Variants in RBM41 observed in about 807,000 individuals in gnomAD.
RBM41 encodes RNA-binding protein 41.
In RBM41, 14 loss-of-function variants were observed where a neutral mutation model predicts 30.8. The observed-to-expected ratio is 0.45, with a 90% CI of 0.30 to 0.71. The LOEUF is 0.71. Among genes scored for constraint, RBM41 ranks in the 30% least tolerant of loss-of-function variants. The probability of loss-of-function intolerance (pLI) is 0.08; values close to 1 mark genes in which losing one functional copy is unlikely to be tolerated. For synonymous variants in RBM41, 120 were observed against 110.1 expected (o/e 1.09, Z -0.56); for missense variants, 276 against 326.3 (o/e 0.85, Z 1.19).
At chrX:107,107,919 A>G (rs12011415) in intron 5 of RBM41, among the ~76,000 whole-genome samples, 26,275 of 110,622 alleles carry the variant, frequency 0.24, 2,563 homozygotes, top group East Asian at 0.47. Context: ...ACTATAGTTG[A>G]AGATTTCAGA....
At chrX:107,083,472 T>C (rs1020958066) in intron 6 of RBM41, among the ~76,000 whole-genome samples, 105 of 111,364 alleles carry the variant, frequency 9.4e-4, no homozygotes, top group African/African-American at 3.2e-3. Context: ...TTCTCATCCA[T>C]TACTACTTCA....
Position 107,062,281 on chromosome X carries a change from T to C in RBM41, c.*5246A>G, listed in dbSNP as rs1338651640. On this transcript the variant is annotated 3_prime_UTR_variant, in exon 8 of 8. Coordinates refer to ENST00000685964, the MANE Select transcript of RBM41 (RefSeq NM_001324242.2). ...GTAGGATTCCATTGCATGGATATAC[T>C]ACGGTTTATCTATGCACCAGTTGAA... 8.9e-6 allele frequency among the ~76,000 whole-genome samples: 1 copy of C among 112,040 alleles called. No homozygotes were observed.
At chrX:107,061,636 G>A (rs777338448), downstream of RBM41, among the ~76,000 whole-genome samples, 4 of 111,026 alleles carry the variant, frequency 3.6e-5, no homozygotes, top group East Asian at 8.5e-4. Flanking sequence ...TAGAGACAGT[G>A]TCTTGCTATG....
intron 5 of RBM41, among the ~76,000 whole-genome samples, chrX:107,112,174 C>T (rs774639723): frequency 9.0e-6 from 1 of 111,453 alleles, no homozygotes. Context: ...ACAAAGAACT[C>T]TCAAAAGTCA....
intron 6 of RBM41, among the ~76,000 whole-genome samples, chrX:107,082,071 AAG>A (rs947016417): frequency 2.7e-5 from 3 of 111,769 alleles, no homozygotes; most frequent in African/African-American, 9.7e-5. Flanking sequence ...GAAGTGGGGA[AAG>A]GGGACATTTT....
intron 5 of RBM41, among the ~76,000 whole-genome samples, chrX:107,107,672 C>T (rs1161343661): frequency 9.0e-6 from 1 of 111,344 alleles, no homozygotes; most frequent in African/African-American, 3.3e-5. Context: ...GGATGTGATA[C>T]ATAGACAAGG....
intron 6 of RBM41, among the ~76,000 whole-genome samples, chrX:107,074,933 A>G (rs1460823829): frequency 3.6e-5 from 4 of 112,004 alleles, no homozygotes; most frequent in Non-Finnish European, 3.8e-5. Context: ...ATATAGAACC[A>G]CAGATGATAC....
At chrX:107,104,089 C>A (rs191948673) in intron 5 of RBM41, among the ~76,000 whole-genome samples, 3 of 110,193 alleles carry the variant, frequency 2.7e-5, no homozygotes, top group African/African-American at 9.9e-5. Flanking sequence ...CCTCCCCTAC[C>A]CCCCCGCCAG....
At chrX:107,068,639 A>T (rs1935931250) in intron 7 of RBM41, among the ~76,000 whole-genome samples, 1 of 111,219 alleles carries the variant, frequency 9.0e-6, no homozygotes, top group African/African-American at 3.3e-5. Flanking sequence ...ACTTGCCCAC[A>T]TATAGATTAA....
downstream of RBM41, among the ~76,000 whole-genome samples, chrX:107,060,720 C>T (rs777296478): frequency 9.0e-6 from 1 of 111,266 alleles, no homozygotes; most frequent in South Asian, 3.9e-4. Context: ...CTGTCAAGAA[C>T]CATTGATGAA....
chrX:107,118,109 C>A (rs1925031321), intron 1 of RBM41, among the ~76,000 whole-genome samples: 1 of 110,143 alleles, frequency 9.1e-6, no homozygotes, highest in African/African-American at 3.3e-5. Flanking sequence ...TAATTTAAGC[C>A]CGTCAATAGT....
chrX:107,075,223 G>A (rs1283870558), intron 6 of RBM41, among the ~76,000 whole-genome samples: 8 of 111,834 alleles, frequency 7.2e-5, no homozygotes, highest in Non-Finnish European at 3.8e-5. Flanking sequence ...TAATGAAATT[G>A]GACCCTTATC....
chrX:107,114,014 A>G (rs951728705), intron 4 of RBM41, among the ~76,000 whole-genome samples: 3 of 111,523 alleles, frequency 2.7e-5, no homozygotes, highest in Non-Finnish European at 5.7e-5. Context: ...CAAATTCCAC[A>G]TGTTTAAAAT....
intron 6 of RBM41, among the ~76,000 whole-genome samples, chrX:107,073,727 T>G (rs959745141): frequency 3.6e-5 from 4 of 112,114 alleles, no homozygotes; most frequent in Non-Finnish European, 7.5e-5. Context: ...AGCCAAGATA[T>G]GAAGTTAACC....
At chrX:107,079,013 A>C (rs1245529698) in intron 6 of RBM41, among the ~76,000 whole-genome samples, 1 of 111,223 alleles carries the variant, frequency 9.0e-6, no homozygotes, top group Admixed American at 9.6e-5. Context: ...TTCCTGCCCC[A>C]GTATTAGAAG....
At chrX:107,088,272 T>C (rs1922215074) in intron 6 of RBM41, among the ~76,000 whole-genome samples, 164 bp downstream of exon 6, 1 of 112,130 alleles carries the variant, frequency 8.9e-6, no homozygotes, top group African/African-American at 3.2e-5. Context: ...ATGCTACTTA[T>C]ATAGTATGCA....
chrX:107,060,161 C>A, downstream of RBM41, among the ~76,000 whole-genome samples: 1 of 108,662 alleles, frequency 9.2e-6, no homozygotes, highest in Non-Finnish European at 1.9e-5. Context: ...GGCTATAAGC[C>A]ATAGAGTAAA....
Position 107,067,002 on chromosome X carries a change from C to A in RBM41, c.*525G>T. The A allele has an allele frequency of 1.3e-6, 1 of 744,782 alleles. No individual in the cohort carries two copies. The highest frequency in any genetic ancestry group is 2.3e-5 in the African/African-American group (1 of 43,464). The allele number at this position is 744,782 out of a possible 1,213,427, so 61.4% of individuals were successfully genotyped here. On this transcript the variant is annotated 3_prime_UTR_variant, in exon 8 of 8. Transcript: ENST00000685964. The stretch of plus-strand genomic sequence containing the variant: ...AGGAAGCATTCATTAAATAAGTCAA[C>A]TGACTTATGAAACTACCTACTATTA...
At chrX:107,103,936 C>T (rs976344437) in intron 5 of RBM41, among the ~76,000 whole-genome samples, 2 of 110,799 alleles carry the variant, frequency 1.8e-5, no homozygotes, top group Admixed American at 1.9e-4. Flanking sequence ...GCAGTGTGTC[C>T]TGGAGATGGT....
Sources: gnomAD v4.1 joint callset for allele counts (sites outside exome capture counted in the v4.1 genomes callset) on GRCh38, gnomAD v4.1.1 for gene constraint, MANE v1.5 for transcripts, NCBI Gene and HGNC (gene_info 2026-07-23, HGNC 2026-07-21) for gene names.